CATSPERB: variants seen among roughly 807,000 people sequenced by gnomAD.
CATSPERB encodes the protein catsper channel auxiliary subunit beta, also known as cation channel sperm-associated auxiliary subunit beta.
Under a neutral mutation model 128.3 loss-of-function variants are expected in CATSPERB, and 93 were observed. The ratio of observed to expected loss-of-function variants is 0.72; its 90% CI spans 0.61 to 0.86. CATSPERB has a LOEUF of 0.86. Ranked by LOEUF, CATSPERB falls within the 40% of genes least tolerant of loss-of-function variation. CATSPERB has a pLI of 0.00. For missense variants in CATSPERB, 1,153 were observed against 1,329.5 expected (o/e 0.87, Z 2.06); for synonymous variants, 381 against 448.8 (o/e 0.85, Z 1.91).
At chr14:91,641,448 C>G (rs986838891) in intron 15 of CATSPERB, among the ~76,000 whole-genome samples, 1 of 152,100 alleles carries the variant, frequency 6.6e-6, no homozygotes, top group African/African-American at 2.4e-5. Flanking sequence ...TTCCCCAGTA[C>G]CATTTATTAA....
chr14:91,681,963 T>C (rs1411368402), intron 11 of CATSPERB, among the ~76,000 whole-genome samples: 1 of 152,254 alleles, frequency 6.6e-6, no homozygotes, highest in African/African-American at 2.4e-5. Flanking sequence ...ACTATCCTTT[T>C]CTTAACATGA....
intron 5 of CATSPERB, among the ~76,000 whole-genome samples, chr14:91,708,570 C>T (rs6575211): frequency 0.64 from 97,305 of 151,994 alleles, 31,427 homozygotes; most frequent in Non-Finnish European, 0.66. Context: ...ATGTATCATA[C>T]AAACCCTAAG....
At chr14:91,656,718 G>C (rs1413244090) in intron 15 of CATSPERB, among the ~76,000 whole-genome samples, 1 of 152,072 alleles carries the variant, frequency 6.6e-6, no homozygotes, top group Non-Finnish European at 1.5e-5. Context: ...TAGAGTGCCT[G>C]AATGGATTTT....
chr14:91,592,860 C>G (rs1204263689), intron 22 of CATSPERB, among the ~76,000 whole-genome samples: 3 of 152,178 alleles, frequency 2.0e-5, no homozygotes, highest in African/African-American at 7.2e-5. Context: ...TCATGGCAGC[C>G]CCTCCCATCA....
chr14:91,663,336 T>G (rs1894918294), intron 14 of CATSPERB, among the ~76,000 whole-genome samples: 1 of 152,182 alleles, frequency 6.6e-6, no homozygotes, highest in African/African-American at 2.4e-5. Flanking sequence ...AAATTATAAG[T>G]CATTGCCAAA....
chr14:91,704,962 C>A (rs532417239), intron 6 of CATSPERB, among the ~76,000 whole-genome samples: 7 of 152,292 alleles, frequency 4.6e-5, no homozygotes, highest in Non-Finnish European at 8.8e-5. Context: ...ATTGCTTTGG[C>A]CACATTTGAA....
At position 91,592,400 on chromosome 14, in the gene CATSPERB, A is replaced by G. The variant is rs555864962; in HGVS notation, c.2710-398T>C. The G allele has an allele frequency of 1.0e-3, 201 of 199,370 alleles. 2 individuals carry two copies. Among genetic ancestry groups the G allele is most frequent in the Non-Finnish European group, 4.6e-4 (46 of 99,000 alleles). The allele number at this position is 199,370 out of a possible 1,614,324, so 12.4% of individuals were successfully genotyped here. A position where few individuals can be genotyped will look rare whatever the true frequency, so the allele number is the denominator to read the frequency against. ...GGGCTGCACACTCTCCAAACCTACT[A>G]TTTCATACTTGTCTTTCTTCATAGC... On this transcript the variant is annotated intron_variant, in intron 22 of 26. Transcript: ENST00000256343.
chr14:91,693,046 T>C (rs1436635093), intron 9 of CATSPERB, 80 bp downstream of exon 9: 1 of 995,850 alleles, frequency 1.0e-6, no homozygotes, highest in Non-Finnish European at 1.5e-6. Context: ...ACACCACACA[T>C]AACTCAAGTA....
chr14:91,703,988 G>T (rs1595185826), intron 7 of CATSPERB, among the ~76,000 whole-genome samples: 1 of 152,238 alleles, frequency 6.6e-6, no homozygotes, highest in East Asian at 1.9e-4. Context: ...GGAGAGGGGG[G>T]TCTGTGCTAA....
rs182863691 is a variant in CATSPERB at position 91,590,612 on chromosome 14, T to C, written c.2821-943A>G. Among the ~76,000 whole-genome samples the C allele has an allele frequency of 7.9e-5, 12 of 152,278 alleles. No homozygotes were observed. In the East Asian group the frequency reaches 2.3e-3, roughly 29 times the overall value. Reference sequence around the variant, plus strand: ...CCAACATATTGTGTATATACATATATAATATCATATATAGTCTCTAGATGT... The same window carrying C: ...CCAACATATTGTGTATATACATATACAATATCATATATAGTCTCTAGATGT... On this transcript the variant is annotated intron_variant, in intron 23 of 26. Coordinates refer to ENST00000256343, the MANE Select transcript of CATSPERB (RefSeq NM_024764.4).
chr14:91,613,625 T>C (rs1007195528), intron 20 of CATSPERB, among the ~76,000 whole-genome samples: 1 of 152,142 alleles, frequency 6.6e-6, no homozygotes, highest in Non-Finnish European at 1.5e-5. Flanking sequence ...TGCCCACTGA[T>C]TGTCAGCACT....
chr14:91,680,128 T>C (rs1407884548), intron 11 of CATSPERB, among the ~76,000 whole-genome samples: 3 of 152,238 alleles, frequency 2.0e-5, no homozygotes, highest in Admixed American at 6.5e-5. Context: ...TAATATAATT[T>C]ATTCTGTGCC....
intron 11 of CATSPERB, among the ~76,000 whole-genome samples, chr14:91,680,527 T>G (rs12885394): frequency 1.3e-5 from 2 of 152,040 alleles, no homozygotes; most frequent in African/African-American, 4.8e-5. Flanking sequence ...TTTTCAGCTC[T>G]TATGCTGTTT....
chr14:91,627,623 G>A (rs1894191865), intron 17 of CATSPERB, among the ~76,000 whole-genome samples: 1 of 152,172 alleles, frequency 6.6e-6, no homozygotes, highest in South Asian at 2.1e-4. Flanking sequence ...ACTAATGGAA[G>A]ATAAGGGTTG....
intron 23 of CATSPERB, among the ~76,000 whole-genome samples, chr14:91,590,491 A>T (rs550907767): frequency 1.4e-4 from 21 of 152,274 alleles, no homozygotes; most frequent in African/African-American, 4.6e-4. Flanking sequence ...AGATGATGCC[A>T]TTACACTCCG....
intron 15 of CATSPERB, among the ~76,000 whole-genome samples, chr14:91,652,857 C>A (rs1329596018): frequency 6.6e-6 from 1 of 152,144 alleles, no homozygotes; most frequent in Non-Finnish European, 1.5e-5. Flanking sequence ...GCTGTCTCAA[C>A]ACATGATTCA....
chr14:91,627,527 A>C (rs1894188199), intron 17 of CATSPERB, among the ~76,000 whole-genome samples: 1 of 152,226 alleles, frequency 6.6e-6, no homozygotes, highest in South Asian at 2.1e-4. Context: ...GCTTCATAAC[A>C]AATTTTTAGA....
rs1893825204 is a variant in CATSPERB, at chr14:91,611,481, A to G, written c.2401-804T>C. On this transcript the variant is annotated intron_variant, in intron 20 of 26. Transcript: ENST00000256343. ...AAAAATCAGCCAGACGTGGTGGCAT[A>G]TGCCTGTAGTCCCAGCTGCTTGGGA... 2.0e-5 allele frequency among the ~76,000 whole-genome samples: 3 copies of G among 152,110 alleles called. No homozygotes were observed. In the South Asian group the frequency reaches 6.2e-4, roughly 31 times the overall value.
Position 91,621,591 on chromosome 14 carries a change from G to A in CATSPERB, c.2260+17C>T, listed in dbSNP as rs760476729. 3.3e-5 allele frequency: 50 copies of A among 1,512,166 alleles called. No individual in the cohort carries two copies. Among genetic ancestry groups the A allele is most frequent in the South Asian group, 3.1e-4 (24 of 78,348 alleles). The allele number at this position is 1,512,166 out of a possible 1,614,324, so 93.7% of individuals were successfully genotyped here. ...ATAACATTTCCTTTTTATATTTTCC[G>A]ATCAAAACAAACTTACCTTTTGCAT... is the stretch of plus-strand genomic sequence containing the variant. On this transcript the variant is annotated intron_variant, in intron 19 of 26. Coordinates refer to ENST00000256343, the MANE Select transcript of CATSPERB (RefSeq NM_024764.4).
Sources: gnomAD v4.1 joint callset for allele counts (sites outside exome capture counted in the v4.1 genomes callset) on GRCh38, gnomAD v4.1.1 for gene constraint, MANE v1.5 for transcripts, NCBI Gene and HGNC (gene_info 2026-07-23, HGNC 2026-07-21) for gene names.